The following GPATCH2 variants were observed in gnomAD, a reference collection of about 807,000 sequenced individuals.
GPATCH2 encodes G patch domain-containing protein 2.
A neutral mutation model predicts 58.0 loss-of-function variants in GPATCH2; 51 were observed. The observed-to-expected ratio is 0.88, with a 90% CI of 0.70 to 1.11. The LOEUF is 1.11. Ranked by LOEUF, GPATCH2 falls within the 50% of genes most tolerant of loss-of-function variation. The pLI, the probability that GPATCH2 is intolerant of heterozygous loss-of-function variation, is 0.00. For synonymous variants in GPATCH2, 222 were observed against 218.5 expected, an observed-to-expected ratio of 1.02 and a Z score of -0.14; for missense variants, 625 against 652.2, an observed-to-expected ratio of 0.96 and a Z score of 0.45.
chr1:217,610,456 G>A, intron 4 of GPATCH2, 56 bp from the exon 5 acceptor site: 1 of 960,682 alleles, frequency 1.0e-6, no homozygotes, highest in Non-Finnish European at 1.6e-6. Context: ...AAGCATAGAA[G>A]AAGAAGAGGA....
chr1:217,625,125 G>C (rs1390956071), intron 1 of GPATCH2, among the ~76,000 whole-genome samples: 2 of 152,188 alleles, frequency 1.3e-5, no homozygotes, highest in Non-Finnish European at 2.9e-5. Context: ...CAAAGGTCAA[G>C]TTTGTTTGTT....
rs200164810 is a variant in GPATCH2 at position 217,623,116 on chromosome 1, GA to G, written c.57-2618del. ...ATTGCACCTTAAAAAACATTCACTT[GA>G]AAAAAATACACTTTAACATGTATTA... On this transcript the variant is annotated intron_variant, in intron 1 of 9. Coordinates refer to ENST00000366935, the MANE Select transcript of GPATCH2 (RefSeq NM_018040.5). 3.4e-3 allele frequency among the ~76,000 whole-genome samples: 524 copies of G among 152,056 alleles called. 5 individuals are homozygous for G. Among genetic ancestry groups the G allele is most frequent in the African/African-American group, 0.012 (486 of 41,472 alleles).
intron 6 of GPATCH2, among the ~76,000 whole-genome samples, chr1:217,507,351 A>C (rs1263245415): frequency 1.3e-5 from 2 of 152,184 alleles, no homozygotes; most frequent in Non-Finnish European, 2.9e-5. Flanking sequence ...GTCAACTCTA[A>C]AATTATGCTC....
intron 5 of GPATCH2, among the ~76,000 whole-genome samples, chr1:217,590,187 A>C (rs971928326): frequency 1.3e-5 from 2 of 151,798 alleles, no homozygotes; most frequent in Non-Finnish European, 2.9e-5. Flanking sequence ...CACCTGGCTA[A>C]TTTTTGTGTT....
chr1:217,443,816 T>C (rs1455261649), intron 9 of GPATCH2, among the ~76,000 whole-genome samples: 1 of 152,224 alleles, frequency 6.6e-6, no homozygotes, highest in Non-Finnish European at 1.5e-5. Flanking sequence ...ATTCAGTGAT[T>C]TGCACAGTTT....
rs375000140 is a variant in GPATCH2, at chr1:217,487,989, C to T, written c.1277+3691G>A. ...ACTCCTGACCTCGTGATCCACCCGC[C>T]TTGGCTTCCCAAAGTGTTGGGATTA... On this transcript the variant is annotated intron_variant, in intron 8 of 9. Transcript: ENST00000366935. Among the ~76,000 whole-genome samples the T allele has an allele frequency of 2.3e-3, 352 of 152,246 alleles. 1 individual carries two copies. Among genetic ancestry groups the T allele is most frequent in the African/African-American group, 7.8e-3 (323 of 41,540 alleles).
chr1:217,551,553 A>G (rs1370091818), intron 5 of GPATCH2, among the ~76,000 whole-genome samples: 2 of 152,160 alleles, frequency 1.3e-5, no homozygotes, highest in African/African-American at 4.8e-5. Context: ...GTCTTCTCTA[A>G]TAATATTTTA....
intron 5 of GPATCH2, among the ~76,000 whole-genome samples, chr1:217,533,941 C>T (rs1476254806): frequency 2.0e-5 from 3 of 152,182 alleles, no homozygotes; most frequent in African/African-American, 7.2e-5. Flanking sequence ...TACAGCCAGG[C>T]ATGGTGGCTG....
intron 6 of GPATCH2, among the ~76,000 whole-genome samples, chr1:217,500,314 C>T (rs1662234801): frequency 6.6e-6 from 1 of 151,950 alleles, no homozygotes; most frequent in Admixed American, 6.6e-5. Flanking sequence ...CCAGTGATCT[C>T]CTCCCAAAGC....
intron 8 of GPATCH2, among the ~76,000 whole-genome samples, chr1:217,481,111 A>G (rs939978472): frequency 3.3e-5 from 5 of 152,194 alleles, no homozygotes; most frequent in African/African-American, 4.8e-5. Context: ...ACAAGTGACT[A>G]TAGTCAATAA....
intron 9 of GPATCH2, among the ~76,000 whole-genome samples, chr1:217,442,041 A>T (rs1659168873): frequency 6.6e-6 from 1 of 152,228 alleles, no homozygotes. Flanking sequence ...ACACATGCAC[A>T]TGTATGTTTA....
chr1:217,442,540 C>T (rs1302628368), intron 9 of GPATCH2, among the ~76,000 whole-genome samples: 1 of 152,064 alleles, frequency 6.6e-6, no homozygotes, highest in Non-Finnish European at 1.5e-5. Flanking sequence ...ATTTCTTTTG[C>T]CATATTTCCC....
chr1:217,489,931 C>T (rs1661639425), intron 8 of GPATCH2, among the ~76,000 whole-genome samples: 1 of 152,170 alleles, frequency 6.6e-6, no homozygotes, highest in East Asian at 1.9e-4. Context: ...CTACAAATTA[C>T]ATTATTACAA....
intron 5 of GPATCH2, among the ~76,000 whole-genome samples, chr1:217,515,242 C>A (rs1405648325): frequency 6.6e-6 from 1 of 151,884 alleles, no homozygotes; most frequent in African/African-American, 2.4e-5. Flanking sequence ...ACTACAGGCA[C>A]CCGCCACCAC....
intron 5 of GPATCH2, among the ~76,000 whole-genome samples, chr1:217,601,040 A>G (rs1236263174): frequency 6.6e-6 from 1 of 152,208 alleles, no homozygotes; most frequent in Non-Finnish European, 1.5e-5. Context: ...CTAAAGTGAG[A>G]AAAATAAAAT....
At chr1:217,539,710 A>G (rs1664641725) in intron 5 of GPATCH2, among the ~76,000 whole-genome samples, 2 of 152,194 alleles carry the variant, frequency 1.3e-5, no homozygotes, top group African/African-American at 4.8e-5. Context: ...AAACAAGGCA[A>G]TTTGCAGCTC....
At position 217,578,523 on chromosome 1, in the gene GPATCH2, A is replaced by G. The variant is rs1403256029; in HGVS notation, c.1098+31798T>C. On this transcript the variant is annotated intron_variant, in intron 5 of 9. Coordinates refer to ENST00000366935, the MANE Select transcript of GPATCH2 (RefSeq NM_018040.5). ...CACCTCGGTATCCTAAAGAGCTGAG[A>G]GTACAGGCGTCAGCCTCTGTGCTTG... 2.6e-5 allele frequency among the ~76,000 whole-genome samples: 4 copies of G among 152,324 alleles called. No individual in the cohort carries two copies. In the East Asian group the frequency reaches 7.7e-4, roughly 29 times the overall value.
intron 8 of GPATCH2, among the ~76,000 whole-genome samples, chr1:217,488,906 G>C (rs1661584739): frequency 1.3e-5 from 2 of 151,540 alleles, no homozygotes; most frequent in Non-Finnish European, 2.9e-5. Context: ...GTTGCCCATG[G>C]TGGTCTCAAA....
At chr1:217,591,788 T>C (rs1667601686) in intron 5 of GPATCH2, among the ~76,000 whole-genome samples, 1 of 152,104 alleles carries the variant, frequency 6.6e-6, no homozygotes, top group African/African-American at 2.4e-5. Context: ...AAGAAAGGCA[T>C]AAGCATTTTA....
Sources: allele counts gnomAD v4.1 joint callset (sites outside exome capture counted in the v4.1 genomes callset), GRCh38; gene constraint gnomAD v4.1.1; transcripts MANE v1.5; gene names NCBI Gene and HGNC (gene_info 2026-07-23, HGNC 2026-07-21).